Variants in UBR4 observed in about 807,000 individuals in gnomAD.
UBR4 encodes ubiquitin protein ligase E3 component n-recognin 4, also known as E3 ubiquitin-protein ligase UBR4.
A neutral mutation model predicts 575.6 loss-of-function variants in UBR4; 124 were observed. The ratio of observed to expected loss-of-function variants is 0.22; its 90% confidence interval spans 0.19 to 0.25. The LOEUF is 0.25. UBR4 is among the 10% of genes least tolerant of loss of function. The probability of loss-of-function intolerance (pLI) is 1.00; values close to 1 mark genes in which losing one functional copy is unlikely to be tolerated. For missense variants in UBR4, 4,818 were observed against 6,478.8 expected (o/e 0.74, Z 8.80); for synonymous variants, 2,455 against 2,473.7 (o/e 0.99, Z 0.22).
chr1:19,122,110 T>A, intron 66 of UBR4, 98 bp from the exon 67 acceptor site: 2 of 1,236,528 alleles, frequency 1.6e-6, no homozygotes, highest in South Asian at 2.4e-5. Flanking sequence ...GACTTTGGAC[T>A]ACACCTGAAC....
At position 19,161,859 on chromosome 1, in the gene UBR4, C is replaced by T. The variant is rs148879975; in HGVS notation, c.4995G>A (p.Thr1665=). The change falls in exon 36 of 106, where the codon ACG becomes ACA. Residue 1665 remains threonine (T), a synonymous_variant. Coordinates refer to ENST00000375254, the MANE Select transcript of UBR4 (RefSeq NM_020765.3). ...DSLCNKLCTF[T]ITQKEFMNQH... ...GGTTCATGAATTCTTTCTGTGTGAT[C>T]GTAAAAGTGCAGAGTTTATTGCAAA... is the stretch of plus-strand genomic sequence containing the variant. 313 of 1,614,076 alleles carry T rather than the reference C, an allele frequency of 1.9e-4. No homozygotes were observed. The highest frequency in any genetic ancestry group is 2.5e-4 in the Non-Finnish European group (292 of 1,180,036).
rs1204514221 is a variant in UBR4 at position 19,185,229 on chromosome 1, T to C, written c.1808A>G (p.Lys603Arg). 1.2e-6 allele frequency: 2 copies of C among 1,612,386 alleles called. No individual in the cohort carries two copies. The highest frequency in any genetic ancestry group is 1.3e-5 in the African/African-American group (1 of 74,802). Residue 603 changes from lysine (K) to arginine (R), a missense_variant, in exon 15 of 106, where the codon AAA (lysine) becomes AGA (arginine). By Grantham distance (26) the Lys-to-Arg change is conservative (BLOSUM62 2). This residue lies in a region of UBR4 where 1,172 missense variants were observed against 1,259.7 expected (regional missense o/e 0.93). Transcript: ENST00000375254. Reference sequence around the variant, plus strand: ...AGGAGGCGGAGGTGCTGCTTTCTCTTTACTGGGAGAAATAGTCTCCTCAAA... The same window carrying C: ...AGGAGGCGGAGGTGCTGCTTTCTCTCTACTGGGAGAAATAGTCTCCTCAAA... ...QWFEETISPSKEKAAPPPPPP... is the reference protein window; with the variant it reads ...QWFEETISPSREKAAPPPPPP...
chr1:19,183,799 GCA>G lies in UBR4; in HGVS notation c.2184+10_2184+11del. The stretch of plus-strand genomic sequence containing the variant: ...ATGAGCTCTTGCCTAGATGGTCACA[GCA>G]CACACAAACCTGCAGGTTAGGTGAC... On this transcript the variant is annotated intron_variant, in intron 17 of 105. Coordinates refer to ENST00000375254, the MANE Select transcript of UBR4 (RefSeq NM_020765.3). The G allele has an allele frequency of 6.2e-7, 1 of 1,613,588 alleles. No individual in the cohort carries two copies. The highest frequency in any genetic ancestry group is 1.7e-5 in the Admixed American group (1 of 59,996).
At position 19,087,796 on chromosome 1, in the gene UBR4, C is replaced by T. The variant is rs368197784; in HGVS notation, c.14544+20G>A. Reference sequence around the variant, plus strand: ...GTCAGGCTGGGCCCTCAGGACCGACCGTAGGCCCAGCAGCTGTACCTGGAA... The same window carrying T: ...GTCAGGCTGGGCCCTCAGGACCGACTGTAGGCCCAGCAGCTGTACCTGGAA... On this transcript the variant is annotated intron_variant, in intron 99 of 105. Coordinates refer to ENST00000375254, the MANE Select transcript of UBR4 (RefSeq NM_020765.3). 27 of 1,594,578 alleles carry T rather than the reference C, an allele frequency of 1.7e-5. No homozygotes were observed. The highest frequency in any genetic ancestry group is 8.5e-5 in the Admixed American group (5 of 59,030).
chr1:19,184,096 T>C lies in UBR4; in HGVS notation c.2018A>G (p.Tyr673Cys), dbSNP rs1266170846. Reference sequence around the variant, plus strand: ...GTGTTCTGAAAGAGATACACTCAGATAGTTTCGGATAAAATTGTTCCGAGA... The same window carrying C: ...GTGTTCTGAAAGAGATACACTCAGACAGTTTCGGATAAAATTGTTCCGAGA... ...LNSRNNFIRNYLSVSLSEHHM... is the reference protein window; with the variant it reads ...LNSRNNFIRNCLSVSLSEHHM... The change falls in exon 16 of 106, where the codon TAT (tyrosine) becomes TGT (cysteine). Residue 673 changes from tyrosine (Y) to cysteine (C), a missense_variant. Tyr to Cys is a radical substitution (Grantham distance 194, BLOSUM62 -2). Around this residue, in one of 29 missense-constraint regions of UBR4, gnomAD observed 1,172 missense variants for 1,259.7 expected, o/e 0.93. Coordinates refer to ENST00000375254, the MANE Select transcript of UBR4 (RefSeq NM_020765.3). 1.8e-5 allele frequency: 29 copies of C among 1,614,018 alleles called. No homozygotes were observed. The highest frequency in any genetic ancestry group is 4.0e-5 in the African/African-American group (3 of 74,890).
intron 99 of UBR4, 150 bp downstream of exon 99, chr1:19,087,666 A>G (rs1203223166): frequency 1.7e-6 from 1 of 590,964 alleles, no homozygotes; most frequent in Non-Finnish European, 3.0e-6. Flanking sequence ...CTGCCTCTAA[A>G]GAGGACAGCT....
At chr1:19,128,067 G>T in intron 62 of UBR4, 144 bp downstream of exon 62, 1 of 797,884 alleles carries the variant, frequency 1.3e-6, no homozygotes, top group Non-Finnish European at 2.1e-6. Context: ...CCCTGAATAC[G>T]CTTTTGTTGA....
At position 19,100,197 on chromosome 1, in the gene UBR4, A is replaced by T; in HGVS notation, c.13221+179T>A. On this transcript the variant is annotated intron_variant, in intron 89 of 105. Coordinates refer to ENST00000375254, the MANE Select transcript of UBR4 (RefSeq NM_020765.3). This position sits in a 1 kb window ranked among gnomAD's most constrained non-coding sequence, Gnocchi z 4.2. ...TGGGCAGAGCCCTTTACAGGTTATT[A>T]ACCTTAGCACTAGGTGAGGTAGAAA... The T allele has an allele frequency of 1.5e-6, 1 of 645,784 alleles. No homozygotes were observed. The highest frequency in any genetic ancestry group is 2.7e-6 in the Non-Finnish European group (1 of 373,360). 40.0% of individuals were successfully genotyped at this position (645,784 alleles called of 1,614,324 possible).
Position 19,153,428 on chromosome 1 carries a change from C to T in UBR4, c.6705G>A (p.Glu2235=). 6.2e-7 allele frequency: 1 copy of T among 1,614,168 alleles called. No individual in the cohort carries two copies. The highest frequency in any genetic ancestry group is 8.5e-7 in the Non-Finnish European group (1 of 1,180,032). The change falls in exon 46 of 106, where the codon GAG becomes GAA. Residue 2235 remains glutamate, a synonymous_variant. Coordinates refer to ENST00000375254, the MANE Select transcript of UBR4 (RefSeq NM_020765.3). The surrounding 1 kb of genome is among the most constrained non-coding windows in gnomAD (Gnocchi z 4.1). Reference sequence around the variant, plus strand: ...CCATGTAAATGCGCAGGCTGCCATCCTCACACAGCAGAATCATTGTTGTCC... The same window carrying T: ...CCATGTAAATGCGCAGGCTGCCATCTTCACACAGCAGAATCATTGTTGTCC... The part of the protein sequence containing the change: ...QQRTTMILLC[E]DGSLRIYMAN...
In UBR4 at chr1:19,172,748, G is replaced by T. The variant is rs1371439980; in HGVS notation, c.3521+116C>A. ...CATACTAGAGAAGAAAGCATTATAC[G>T]TGGGGAAAAAAACCCCTAAGCTGAA... On this transcript the variant is annotated intron_variant, in intron 25 of 105. Coordinates refer to ENST00000375254, the MANE Select transcript of UBR4 (RefSeq NM_020765.3). 6.0e-6 allele frequency: 6 copies of T among 1,005,176 alleles called. No homozygotes were observed. The South Asian group carries it at 6.2e-5, about 10-fold the overall frequency. The allele number at this position is 1,005,176 out of a possible 1,614,324, so 62.3% of individuals were successfully genotyped here.
In UBR4 at chr1:19,096,593, C is replaced by T; in HGVS notation, c.13448G>A (p.Gly4483Glu). 6.2e-7 allele frequency: 1 copy of T among 1,613,798 alleles called. No individual in the cohort carries two copies. The highest frequency in any genetic ancestry group is 1.1e-5 in the South Asian group (1 of 91,032). Residue 4483 changes from glycine to glutamate, a missense_variant, in exon 92 of 106, where the codon GGG becomes GAG. Transcript: ENST00000375254. ...YKMAGVMAQC[G>E]GLECMLNRLA... ...TCTGTTAAGCATGCATTCCAGGCCC[C>T]CACACTGGGCCATCACACCAGCCAT...
chr1:19,189,483 A>G (rs2091868655), intron 11 of UBR4, among the ~76,000 whole-genome samples: 1 of 152,234 alleles, frequency 6.6e-6, no homozygotes, highest in African/African-American at 2.4e-5. Flanking sequence ...CTGGCCATTA[A>G]AAACTTAGAC....
At chr1:19,190,969 AC>A (rs2092027426) in intron 11 of UBR4, among the ~76,000 whole-genome samples, 1 of 152,062 alleles carries the variant, frequency 6.6e-6, no homozygotes, top group Admixed American at 6.6e-5. Flanking sequence ...TACCTGTCTG[AC>A]CTAATTTTCT....
intron 55 of UBR4, among the ~76,000 whole-genome samples, chr1:19,143,259 GAAGAAAGAAAGA>G (rs200550539): frequency 0.035 from 3,201 of 91,052 alleles, 89 homozygotes; most frequent in Admixed American, 0.071. Flanking sequence ...AGGAAGGAAG[GAAGAAAGAAAGA>G]AAGAAAGAAA....
At position 19,076,995 on chromosome 1, in the gene UBR4, G is replaced by A. The variant is rs2076006808; in HGVS notation, c.15325-93C>T. 5 of 1,390,218 alleles carry A rather than the reference G, an allele frequency of 3.6e-6. No individual in the cohort carries two copies. The South Asian group carries it at 7.1e-5, about 20-fold the overall frequency. 86.1% of individuals were successfully genotyped at this position (1,390,218 alleles called of 1,614,324 possible). On this transcript the variant is annotated intron_variant, in intron 104 of 105. Transcript: ENST00000375254. ...AGTCAGGCCATTTCAACCCCTCAAA[G>A]GACAGCCCTCCCAACCTACACCAAA...
At chr1:19,115,066 T>C in intron 74 of UBR4, 117 bp from the exon 75 acceptor site, 1 of 1,415,080 alleles carries the variant, frequency 7.1e-7, no homozygotes, top group Non-Finnish European at 9.6e-7. Flanking sequence ...CAGGGGCTAC[T>C]GAAGGGACAA....
rs1476535366 is a variant in UBR4, at chr1:19,089,025, A to C, written c.14212-48T>G. The C allele has an allele frequency of 1.3e-6, 2 of 1,587,598 alleles. No individual in the cohort carries two copies. Among genetic ancestry groups the C allele is most frequent in the Admixed American group, 1.7e-5 (1 of 58,168 alleles). On this transcript the variant is annotated intron_variant, in intron 97 of 105. Transcript: ENST00000375254. The surrounding 1 kb of genome is among the most constrained non-coding windows in gnomAD (Gnocchi z 4.3). ...ACACATGCCTCCAATTATGTAGACA[A>C]ACCTTCTTCCCGGGAGCTTAAAGGT... is the stretch of plus-strand genomic sequence containing the variant.
chr1:19,167,634 T>G (rs775921873), intron 28 of UBR4, among the ~76,000 whole-genome samples: 1 of 152,194 alleles, frequency 6.6e-6, no homozygotes, highest in Admixed American at 6.5e-5. Context: ...CTGTTACCTA[T>G]GTATAAGAAG....
At chr1:19,076,992 A>G (rs2076006523) in intron 104 of UBR4, 90 bp from the exon 105 acceptor site, 1 of 1,408,906 alleles carries the variant, frequency 7.1e-7, no homozygotes, top group Non-Finnish European at 9.6e-7. Context: ...TCAACCCCTC[A>G]AAGGACAGCC....
Sources: gnomAD v4.1 joint callset for allele counts (sites outside exome capture counted in the v4.1 genomes callset) on GRCh38, gnomAD v4.1.1 for gene constraint, gnomAD v4.1.1 regional missense constraint, Gnocchi (gnomAD v3.1) non-coding constraint, MANE v1.5 for transcripts, NCBI Gene and HGNC (gene_info 2026-07-23, HGNC 2026-07-21) for gene names.